FEZ2: variants seen among roughly 807,000 people sequenced by gnomAD.
FEZ2 encodes the protein fasciculation and elongation protein zeta 2.
A neutral mutation model predicts 40.4 loss-of-function variants in FEZ2; 51 were observed. The ratio of observed to expected loss-of-function variants is 1.26; its 90% CI spans 1.01 to 1.59. The LOEUF is 1.59. Ranked by LOEUF, FEZ2 falls within the 40% of genes most tolerant of loss-of-function variation. The probability of loss-of-function intolerance (pLI) is 0.00; values close to 1 mark genes in which losing one functional copy is unlikely to be tolerated. For synonymous variants in FEZ2, 242 were observed against 172.0 expected, an observed-to-expected ratio of 1.41 and a Z score of -3.18; for missense variants, 640 against 438.3, an observed-to-expected ratio of 1.46 and a Z score of -4.11.
chr2:36,591,171 A>T, intron 1 of FEZ2, 160 bp from the exon 2 acceptor site: 1 of 608,274 alleles, frequency 1.6e-6, no homozygotes, highest in Non-Finnish European at 2.9e-6. Flanking sequence ...GAGTCTCCTA[A>T]ACAAAAACGA....
chr2:36,561,842 G>C (rs966159274), intron 5 of FEZ2, among the ~76,000 whole-genome samples: 1 of 152,152 alleles, frequency 6.6e-6, no homozygotes, highest in Non-Finnish European at 1.5e-5. Flanking sequence ...ATTTTACCAG[G>C]CCCCAAGGGG....
chr2:36,576,538 T>C (rs1425328420), intron 5 of FEZ2, among the ~76,000 whole-genome samples: 1 of 152,216 alleles, frequency 6.6e-6, no homozygotes, highest in Non-Finnish European at 1.5e-5. Flanking sequence ...CCCAAAGTGC[T>C]GGGATTACAG....
chr2:36,584,285 A>T (rs1668838043), intron 2 of FEZ2, among the ~76,000 whole-genome samples: 1 of 152,106 alleles, frequency 6.6e-6, no homozygotes, highest in Non-Finnish European at 1.5e-5. Flanking sequence ...GGCCAATCTC[A>T]ACAGTTTATG....
rs554334740 is a variant in FEZ2, at chr2:36,598,056, G to A, written c.87C>T (p.Ser29=). ...SLLDQENCNA[S]PEPGAEAGAE... The stretch of plus-strand genomic sequence containing the variant: ...CCCCCGCCTCCGCCCCAGGCTCGGG[G>A]CTCGCGTTACAGTTCTCCTGGTCCA... The change falls in exon 1 of 8, where the codon AGC becomes AGT. Residue 29 remains serine, a synonymous_variant. Transcript: ENST00000405912. 4,847 of 1,499,986 alleles carry A rather than the reference G, an allele frequency of 3.2e-3. 125 individuals carry two copies. The Admixed American group carries it at 0.044, about 13-fold the overall frequency. 92.9% of individuals were successfully genotyped at this position (1,499,986 alleles called of 1,614,324 possible).
chr2:36,561,229 C>G (rs1386156591), intron 5 of FEZ2: 1 of 163,894 alleles, frequency 6.1e-6, no homozygotes, highest in East Asian at 1.7e-4. Context: ...TATCAGAAGT[C>G]TGAAAACTTA....
At chr2:36,572,359 CA>C (rs1174952130) in intron 5 of FEZ2, among the ~76,000 whole-genome samples, 1 of 152,146 alleles carries the variant, frequency 6.6e-6, no homozygotes. Context: ...CAAGATAAAA[CA>C]AAGTAACCTT....
intron 5 of FEZ2, among the ~76,000 whole-genome samples, chr2:36,570,319 T>C (rs1041151764): frequency 6.6e-6 from 1 of 152,106 alleles, no homozygotes; most frequent in African/African-American, 2.4e-5. Context: ...GTTATATGAG[T>C]TTATTTTTAT....
chr2:36,574,340 T>C (rs1350266206), intron 5 of FEZ2, among the ~76,000 whole-genome samples: 1 of 152,148 alleles, frequency 6.6e-6, no homozygotes, highest in Non-Finnish European at 1.5e-5. Context: ...AATATAGAAA[T>C]ATATATTTGC....
chr2:36,589,302 G>T (rs1459327850), intron 2 of FEZ2, among the ~76,000 whole-genome samples: 1 of 152,194 alleles, frequency 6.6e-6, no homozygotes, highest in Non-Finnish European at 1.5e-5. Context: ...AAACCCCGTG[G>T]CACAGATAAC....
At chr2:36,582,017 A>G (rs1203883089) in intron 3 of FEZ2, among the ~76,000 whole-genome samples, 1 of 152,182 alleles carries the variant, frequency 6.6e-6, no homozygotes, top group Non-Finnish European at 1.5e-5. Context: ...GTAGAAGTCC[A>G]AAGAGAAAAA....
At chr2:36,586,465 T>C (rs114135169) in intron 2 of FEZ2, among the ~76,000 whole-genome samples, 1,694 of 152,070 alleles carry the variant, frequency 0.011, 20 homozygotes, top group African/African-American at 0.038. Context: ...TGAAACCCCA[T>C]TGCTACAAAA....
intron 3 of FEZ2, among the ~76,000 whole-genome samples, chr2:36,582,246 CAATTA>C (rs1228497298): frequency 1.3e-5 from 2 of 151,204 alleles, no homozygotes; most frequent in Admixed American, 6.6e-5. Flanking sequence ...AAATTAAACA[CAATTA>C]AATGAAGGAG....
chr2:36,590,920 T>A lies in FEZ2; in HGVS notation c.358A>T (p.Asn120Tyr). ...HTRTLHLLTL[N>Y]LSEKGVSDSL... is the part of the protein sequence containing the mutation. The stretch of plus-strand genomic sequence containing the variant: ...TAACTTACCCCTTTTTCTGAGAGGT[T>A]CAGAGTAAGCAAGTGCAAGGTCCTA... Residue 120 changes from asparagine to tyrosine, a missense_variant, in exon 2 of 8, where the codon AAC becomes TAC. By Grantham distance (143) the Asn-to-Tyr change is moderately radical (BLOSUM62 -2). Transcript: ENST00000405912. The A allele has an allele frequency of 1.2e-6, 2 of 1,603,832 alleles. No homozygotes were observed. The highest frequency in any genetic ancestry group is 1.7e-6 in the Non-Finnish European group (2 of 1,170,578).
chr2:36,584,581 G>C (rs980055263), intron 2 of FEZ2, among the ~76,000 whole-genome samples: 1 of 152,138 alleles, frequency 6.6e-6, no homozygotes, highest in Non-Finnish European at 1.5e-5. Flanking sequence ...CTATTCCTCA[G>C]GAAGGATTAG....
intron 1 of FEZ2, among the ~76,000 whole-genome samples, chr2:36,597,524 TTGAG>T (rs879899360): frequency 6.6e-6 from 1 of 152,146 alleles, no homozygotes; most frequent in Non-Finnish European, 1.5e-5. Context: ...TAAATGCGAC[TTGAG>T]TGAATGAATG....
At chr2:36,558,051 A>G (rs1258122449) in intron 6 of FEZ2, 4 of 154,804 alleles carry the variant, frequency 2.6e-5, no homozygotes, top group Admixed American at 6.4e-5. Flanking sequence ...TAAGAAATAA[A>G]AAGTGTTTAC....
chr2:36,588,242 G>A (rs1299360717), intron 2 of FEZ2, among the ~76,000 whole-genome samples: 2 of 151,978 alleles, frequency 1.3e-5, no homozygotes, highest in Non-Finnish European at 2.9e-5. Context: ...TGGTAAGGCT[G>A]GTCTCAAACT....
intron 2 of FEZ2, among the ~76,000 whole-genome samples, chr2:36,584,771 G>A (rs968406980): frequency 1.3e-5 from 2 of 152,192 alleles, no homozygotes; most frequent in African/African-American, 4.8e-5. Flanking sequence ...GGTTCCTACT[G>A]CTTCCCTAGT....
intron 7 of FEZ2, among the ~76,000 whole-genome samples, chr2:36,554,755 C>T (rs1033869629): frequency 7.2e-5 from 11 of 152,188 alleles, no homozygotes; most frequent in African/African-American, 2.7e-4. Context: ...GTGTATACTA[C>T]TGAGGTTCCC....
Sources: gnomAD v4.1 joint callset for allele counts (sites outside exome capture counted in the v4.1 genomes callset) on GRCh38, gnomAD v4.1.1 for gene constraint, MANE v1.5 for transcripts, NCBI Gene and HGNC (gene_info 2026-07-23, HGNC 2026-07-21) for gene names.